The following JAM3 variants were observed in gnomAD, a reference collection of about 807,000 sequenced individuals.
JAM3 encodes junctional adhesion molecule C.
JAM3 carries 31 observed loss-of-function variants against 39.4 expected under a neutral mutation model. That is an observed-to-expected ratio of 0.79 (90% CI 0.59 to 1.06). The LOEUF (loss-of-function observed/expected upper bound fraction) is 1.06. Ranked by LOEUF, JAM3 falls within the 50% of genes least tolerant of loss-of-function variation. The probability of loss-of-function intolerance (pLI) is 0.00; values close to 1 mark genes in which losing one functional copy is unlikely to be tolerated. For missense variants in JAM3, 455 were observed against 391.4 expected (o/e 1.16, Z -1.37); for synonymous variants, 182 against 148.7 (o/e 1.22, Z -1.63).
chr11:134,126,459 T>A (rs1251912227), intron 1 of JAM3: 1 of 152,310 alleles, frequency 6.6e-6, no homozygotes, highest in Non-Finnish European at 1.5e-5. Flanking sequence ...TGCTGAGAGC[T>A]GAGGAAAACC....
intron 1 of JAM3, among the ~76,000 whole-genome samples, chr11:134,115,736 TA>T (rs533375525): frequency 5.7e-4 from 83 of 146,736 alleles, no homozygotes; most frequent in African/African-American, 8.9e-4. Flanking sequence ...TCCTGTCTCT[TA>T]AAAAAAAAAA....
At position 134,102,196 on chromosome 11, in the gene JAM3, A is replaced by C. The variant is rs1892895; in HGVS notation, c.76+33037A>C. Among the ~76,000 whole-genome samples, 668 of 152,290 alleles carry C rather than the reference A, an allele frequency of 4.4e-3. 11 individuals are homozygous for C. Among genetic ancestry groups the C allele is most frequent in the Admixed American group, 0.02 (306 of 15,284 alleles). Reference sequence around the variant, plus strand: ...GGGATGGAGTTCATATAAAACCCAGACAGTTCAGCAGTATTCGCTGTCCTG... The same window carrying C: ...GGGATGGAGTTCATATAAAACCCAGCCAGTTCAGCAGTATTCGCTGTCCTG... On this transcript the variant is annotated intron_variant, in intron 1 of 8. Coordinates refer to ENST00000299106, the MANE Select transcript of JAM3 (RefSeq NM_032801.5).
In JAM3 at chr11:134,123,617, C is replaced by T. The variant is rs148447830; in HGVS notation, c.77-16234C>T. ...ATCCTTCACTGAATTAATTCCTTTT[C>T]TCTTTCTCTTTTCTTAAACATTTTA... On this transcript the variant is annotated intron_variant, in intron 1 of 8. Coordinates refer to ENST00000299106, the MANE Select transcript of JAM3 (RefSeq NM_032801.5). Among the ~76,000 whole-genome samples the T allele has an allele frequency of 9.7e-3, 1,480 of 152,306 alleles. 19 individuals carry two copies. The highest frequency in any genetic ancestry group is 0.033 in the African/African-American group (1,387 of 41,568).
chr11:134,108,904 G>C (rs1018571792), intron 1 of JAM3, among the ~76,000 whole-genome samples: 1 of 152,126 alleles, frequency 6.6e-6, no homozygotes, highest in African/African-American at 2.4e-5. Flanking sequence ...CCATGAAAAA[G>C]TTATAGGTAA....
chr11:134,091,418 G>C (rs892974791), intron 1 of JAM3, among the ~76,000 whole-genome samples: 1 of 152,036 alleles, frequency 6.6e-6, no homozygotes, highest in African/African-American at 2.4e-5. Flanking sequence ...TCGCTTCCCA[G>C]AACCTGGGAG....
intron 1 of JAM3, among the ~76,000 whole-genome samples, chr11:134,087,013 C>A (rs566200285): frequency 1.3e-4 from 20 of 152,032 alleles, no homozygotes; most frequent in South Asian, 1.2e-3. Context: ...CTTTGTTGCC[C>A]AGGCTGGTCT....
At chr11:134,102,020 A>G (rs999789083) in intron 1 of JAM3, among the ~76,000 whole-genome samples, 3 of 152,168 alleles carry the variant, frequency 2.0e-5, no homozygotes, top group Non-Finnish European at 4.4e-5. Context: ...TGCCACTGCA[A>G]TCCAGCCTGG....
chr11:134,106,391 A>AC (rs1485014532), intron 1 of JAM3, among the ~76,000 whole-genome samples: 1 of 152,092 alleles, frequency 6.6e-6, no homozygotes, highest in Non-Finnish European at 1.5e-5. Context: ...AACCATAAAA[A>AC]CCCTAGAAGA....
chr11:134,137,603 A>G (rs934474133), intron 1 of JAM3, among the ~76,000 whole-genome samples: 146 of 130,988 alleles, frequency 1.1e-3, no homozygotes, highest in Middle Eastern at 9.3e-3. Flanking sequence ...CGTCGAAGTC[A>G]TGGTGCTCAT....
At chr11:134,110,862 G>A (rs1565492198) in intron 1 of JAM3, among the ~76,000 whole-genome samples, 1 of 151,700 alleles carries the variant, frequency 6.6e-6, no homozygotes, top group Non-Finnish European at 1.5e-5. Context: ...TACCTTGATT[G>A]TTTTTTTAAA....
At chr11:134,126,587 CTT>C (rs1329940392) in intron 1 of JAM3, 1 of 152,188 alleles carries the variant, frequency 6.6e-6, no homozygotes, top group Non-Finnish European at 1.5e-5. Context: ...GCCTGAGCCT[CTT>C]TATTAGTGTG....
chr11:134,077,858 G>T (rs1941598835), intron 1 of JAM3, among the ~76,000 whole-genome samples: 1 of 151,836 alleles, frequency 6.6e-6, no homozygotes, highest in East Asian at 1.9e-4. Context: ...CACCATGTTG[G>T]CCAGGCTGGT....
chr11:134,117,507 T>A (rs1044169512), intron 1 of JAM3, among the ~76,000 whole-genome samples: 2 of 152,260 alleles, frequency 1.3e-5, no homozygotes, highest in Admixed American at 1.3e-4. Flanking sequence ...GTAAAACTGA[T>A]GTGAACATCT....
At chr11:134,119,768 CT>C (rs34924032) in intron 1 of JAM3, among the ~76,000 whole-genome samples, 11,805 of 152,182 alleles carry the variant, frequency 0.078, 594 homozygotes, top group Admixed American at 0.11. Context: ...TTAATCTCAT[CT>C]TAAAAACCCT....
intron 1 of JAM3, among the ~76,000 whole-genome samples, chr11:134,108,982 A>T (rs367741274): frequency 6.6e-6 from 1 of 151,984 alleles, no homozygotes; most frequent in Non-Finnish European, 1.5e-5. Flanking sequence ...TTTAATACAG[A>T]GTCTCATTCT....
chr11:134,138,745 A>AATAGC (rs1430567372), intron 1 of JAM3, among the ~76,000 whole-genome samples: 2 of 152,392 alleles, frequency 1.3e-5, no homozygotes, highest in East Asian at 3.8e-4. Context: ...TTTAGGAACC[A>AATAGC]ATAGCAATTC....
At chr11:134,137,381 C>G (rs1463828175) in intron 1 of JAM3, among the ~76,000 whole-genome samples, 1 of 152,208 alleles carries the variant, frequency 6.6e-6, no homozygotes, top group Non-Finnish European at 1.5e-5. Flanking sequence ...GCCTGTATCT[C>G]CTTATAATGT....
chr11:134,103,382 C>A (rs543388798), intron 1 of JAM3, among the ~76,000 whole-genome samples: 5 of 152,270 alleles, frequency 3.3e-5, no homozygotes, highest in African/African-American at 1.2e-4. Flanking sequence ...TGGAAAGGAA[C>A]AACCAGTACC....
At chr11:134,143,186 C>G (rs961840349) in intron 3 of JAM3, among the ~76,000 whole-genome samples, 3 of 152,150 alleles carry the variant, frequency 2.0e-5, no homozygotes, top group Non-Finnish European at 4.4e-5. Context: ...TTTTTCAAAG[C>G]TGCTTTACGA....
Sources: allele counts gnomAD v4.1 joint callset (sites outside exome capture counted in the v4.1 genomes callset), GRCh38; gene constraint gnomAD v4.1.1; transcripts MANE v1.5; gene names NCBI Gene and HGNC (gene_info 2026-07-23, HGNC 2026-07-21).